The following ZNF329 variants were observed in gnomAD, a reference collection of about 807,000 sequenced individuals.
ZNF329 encodes the protein zinc finger protein 329.
In ZNF329, 15 loss-of-function variants were observed where a neutral mutation model predicts 26.6. The observed-to-expected ratio is 0.56, with a 90% CI of 0.38 to 0.87. The LOEUF is 0.87. ZNF329 is among the 40% of genes least tolerant of loss of function. ZNF329 has a pLI of 0.00. For synonymous variants in ZNF329, 239 were observed against 233.5 expected, an observed-to-expected ratio of 1.02 and a Z score of -0.21; for missense variants, 651 against 651.9, an observed-to-expected ratio of 1.00 and a Z score of 0.02.
chr19:58,154,180 TG>T (rs1173916114), upstream of ZNF329, among the ~76,000 whole-genome samples: 1 of 152,102 alleles, frequency 6.6e-6, no homozygotes, highest in African/African-American at 2.4e-5. Context: ...GGCTAATTTT[TG>T]TATTTTTAGT....
Position 58,129,328 on chromosome 19 carries a change from G to A in ZNF329, c.176C>T (p.Thr59Ile). The A allele has an allele frequency of 6.2e-7, 1 of 1,614,208 alleles. No homozygotes were observed. Among genetic ancestry groups the A allele is most frequent in the Non-Finnish European group, 8.5e-7 (1 of 1,180,036 alleles). The change falls in exon 4 of 4, where the codon ACT (threonine) becomes ATT (isoleucine). Residue 59 changes from threonine (T) to isoleucine (I), a missense_variant. By Grantham distance (89) the Thr-to-Ile change is moderately conservative. Transcript: ENST00000598312. ...AGGATATTCACAAATTGCTTCCTGA[G>A]TCCCTGGTTTCTCCAGAGTTAAAGC... ...QSALTLEKPG[T>I]QEAICEYPGF...
intron 1 of ZNF329, among the ~76,000 whole-genome samples, chr19:58,150,513 C>A (rs191387198): frequency 1.1e-3 from 170 of 152,378 alleles, no homozygotes; most frequent in Non-Finnish European, 1.2e-3. Context: ...AGCCCCGGAG[C>A]GACCTCGTCC....
intron 3 of ZNF329, among the ~76,000 whole-genome samples, chr19:58,131,141 G>A (rs1312080442): frequency 1.3e-5 from 2 of 151,788 alleles, no homozygotes; most frequent in African/African-American, 2.4e-5. Flanking sequence ...GTGTGTGTGT[G>A]CGCGTGTATT....
chr19:58,135,230 T>G (rs2075037694), intron 3 of ZNF329, among the ~76,000 whole-genome samples: 1 of 152,104 alleles, frequency 6.6e-6, no homozygotes, highest in South Asian at 2.1e-4. Flanking sequence ...TATAGGCACA[T>G]GCCACTGCAA....
rs759885199 is a variant in ZNF329, at chr19:58,128,938, G to A, written c.566C>T (p.Ser189Leu). ...GAGATTTCTCTGGTTTTCATTAAGC[G>A]ATGAGCTCAGAGTAAAGATGTTCTC... ...NFENIFTLSSSLNENQRNLPG... is the reference protein window; with the variant it reads ...NFENIFTLSSLLNENQRNLPG... Residue 189 changes from serine to leucine, a missense_variant, in exon 4 of 4, where the codon TCG (serine) becomes TTG (leucine). Transcript: ENST00000598312. 50 of 1,613,920 alleles carry A rather than the reference G, an allele frequency of 3.1e-5. 3 individuals are homozygous for A. The highest frequency in any genetic ancestry group is 1.4e-4 in the South Asian group (13 of 91,074).
chr19:58,144,393 TA>T (rs1213586305), intron 1 of ZNF329, among the ~76,000 whole-genome samples: 1,930 of 122,394 alleles, frequency 0.016, 53 homozygotes, highest in African/African-American at 0.049. Flanking sequence ...TATATATATA[TA>T]TATTTTTTTT....
At chr19:58,133,673 C>T (rs868752141) in intron 3 of ZNF329, among the ~76,000 whole-genome samples, 4 of 151,210 alleles carry the variant, frequency 2.6e-5, no homozygotes, top group South Asian at 4.2e-4. Context: ...ACCCCAAGAA[C>T]GAAGGAAGGA....
Position 58,127,506 on chromosome 19 carries a change from C to A in ZNF329, c.*372G>T. On this transcript the variant is annotated 3_prime_UTR_variant, in exon 4 of 4. Coordinates refer to ENST00000598312, the MANE Select transcript of ZNF329 (RefSeq NM_024620.4). ...TCCGAAAAAAAAAAAAAAGTTGATTCAGTGTTTGCTTACGTACAAGGTGGA... is the reference window on the plus strand; with the variant it reads ...TCCGAAAAAAAAAAAAAAGTTGATTAAGTGTTTGCTTACGTACAAGGTGGA... 1 of 174,694 alleles carries A rather than the reference C, an allele frequency of 5.7e-6. No individual in the cohort carries two copies. The highest frequency in any genetic ancestry group is 1.2e-5 in the Non-Finnish European group (1 of 83,362). 10.8% of individuals were successfully genotyped at this position (174,694 alleles called of 1,614,324 possible).
chr19:58,149,991 G>A (rs1178450572), intron 1 of ZNF329, among the ~76,000 whole-genome samples: 2 of 152,174 alleles, frequency 1.3e-5, no homozygotes, highest in Non-Finnish European at 2.9e-5. Flanking sequence ...AGGATGGACA[G>A]AAGGAAAGAT....
At chr19:58,135,021 G>C (rs2075032923) in intron 3 of ZNF329, among the ~76,000 whole-genome samples, 1 of 152,046 alleles carries the variant, frequency 6.6e-6, no homozygotes, top group Admixed American at 6.6e-5. Context: ...CAAATCTAAG[G>C]ATAGTGGGAA....
chr19:58,134,790 C>T lies in ZNF329; in HGVS notation c.-8-5279G>A, dbSNP rs190631435. On this transcript the variant is annotated intron_variant, in intron 3 of 3. Transcript: ENST00000598312. ...GTCTCTACAAAAACACAAAAATTAG[C>T]GAGGCATGGTGGCACATGCCTGTAA... Among the ~76,000 whole-genome samples, 216 of 152,202 alleles carry T rather than the reference C, an allele frequency of 1.4e-3. 1 individual carries two copies. Among genetic ancestry groups the T allele is most frequent in the Non-Finnish European group, 9.7e-4 (66 of 68,018 alleles).
At chr19:58,134,513 A>G (rs2075021450) in intron 3 of ZNF329, among the ~76,000 whole-genome samples, 1 of 152,256 alleles carries the variant, frequency 6.6e-6, no homozygotes, top group Non-Finnish European at 1.5e-5. Context: ...GCAAAAGGAC[A>G]TAAAAGCCAA....
intron 3 of ZNF329, among the ~76,000 whole-genome samples, chr19:58,134,601 G>A (rs1364460216): frequency 6.6e-6 from 1 of 152,192 alleles, no homozygotes; most frequent in Non-Finnish European, 1.5e-5. Flanking sequence ...AAAATTTCAA[G>A]TGAGGATCAC....
At position 58,127,497 on chromosome 19, in the gene ZNF329, AAG is replaced by A; in HGVS notation, c.*379_*380del. 5.9e-6 allele frequency: 1 copy of A among 169,478 alleles called. No homozygotes were observed. Among genetic ancestry groups the A allele is most frequent in the South Asian group, 2.0e-4 (1 of 5,114 alleles). 10.5% of individuals were successfully genotyped at this position (169,478 alleles called of 1,614,324 possible). Reference sequence around the variant, plus strand: ...GAGACTCTGTCCGAAAAAAAAAAAAAAGTTGATTCAGTGTTTGCTTACGTACA... The same window carrying A: ...GAGACTCTGTCCGAAAAAAAAAAAAATTGATTCAGTGTTTGCTTACGTACA... On this transcript the variant is annotated 3_prime_UTR_variant, in exon 4 of 4. Coordinates refer to ENST00000598312, the MANE Select transcript of ZNF329 (RefSeq NM_024620.4).
chr19:58,131,748 G>C (rs1468412881), intron 3 of ZNF329, among the ~76,000 whole-genome samples: 2 of 152,148 alleles, frequency 1.3e-5, no homozygotes, highest in East Asian at 3.9e-4. Flanking sequence ...CATTGGCTGG[G>C]AGCAGTGGGT....
At chr19:58,142,732 A>C (rs947804272) in intron 2 of ZNF329, 71 bp from the exon 3 acceptor site, 2 of 152,470 alleles carry the variant, frequency 1.3e-5, no homozygotes, top group Non-Finnish European at 2.9e-5. Context: ...TCATTTACCA[A>C]CTTTAATCCC....
In ZNF329 at chr19:58,144,975, G is replaced by C. The variant is rs187051964; in HGVS notation, c.-207-1777C>G. On this transcript the variant is annotated intron_variant, in intron 1 of 3. Coordinates refer to ENST00000598312, the MANE Select transcript of ZNF329 (RefSeq NM_024620.4). ...CGCCATTCTCCTGCCTCAGCCTCCC[G>C]AGTAGCTGGGACTTCAGGTGCCTGC... Among the ~76,000 whole-genome samples, 1,192 of 150,440 alleles carry C rather than the reference G, an allele frequency of 7.9e-3. 12 individuals carry two copies. Among genetic ancestry groups the C allele is most frequent in the African/African-American group, 0.027 (1,107 of 40,928 alleles).
chr19:58,142,376 G>A lies in ZNF329; in HGVS notation c.-9+181C>T, dbSNP rs2075208357. On this transcript the variant is annotated intron_variant, in intron 3 of 3. Coordinates refer to ENST00000598312, the MANE Select transcript of ZNF329 (RefSeq NM_024620.4). ...CTTAAAAGGGTAAATTGTATGCTATGTGAATTATATCTCAATAAAGCTGTT... is the reference window on the plus strand; with the variant it reads ...CTTAAAAGGGTAAATTGTATGCTATATGAATTATATCTCAATAAAGCTGTT... Among the ~76,000 whole-genome samples, 7 of 152,336 alleles carry A rather than the reference G, an allele frequency of 4.6e-5. No homozygotes were observed. The South Asian group carries it at 1.4e-3, about 32-fold the overall frequency.
upstream of ZNF329, among the ~76,000 whole-genome samples, chr19:58,152,461 A>G (rs911546024): frequency 2.0e-5 from 3 of 152,000 alleles, no homozygotes; most frequent in Non-Finnish European, 4.4e-5. Context: ...ACTACTAAAC[A>G]AAAGTATAGC....
Sources: allele counts gnomAD v4.1 joint callset (sites outside exome capture counted in the v4.1 genomes callset), GRCh38; gene constraint gnomAD v4.1.1; transcripts MANE v1.5; gene names NCBI Gene and HGNC (gene_info 2026-07-23, HGNC 2026-07-21).